Variants in SNTG1 observed in about 807,000 individuals in gnomAD.
SNTG1 encodes the protein gamma-1-syntrophin.
A neutral mutation model predicts 74.7 loss-of-function variants in SNTG1; 39 were observed. That is an observed-to-expected ratio of 0.52 (90% CI 0.40 to 0.68). The LOEUF (loss-of-function observed/expected upper bound fraction) is 0.68. SNTG1 is among the 30% of genes least tolerant of loss of function. SNTG1 has a pLI of 0.00. For missense variants in SNTG1, 685 were observed against 609.5 expected, an observed-to-expected ratio of 1.12 and a Z score of -1.30; for synonymous variants, 254 against 217.1, an observed-to-expected ratio of 1.17 and a Z score of -1.49.
At chr8:50,239,280 G>A (rs532142458) in intron 2 of SNTG1, among the ~76,000 whole-genome samples, 8 of 152,224 alleles carry the variant, frequency 5.3e-5, no homozygotes, top group African/African-American at 1.9e-4. Flanking sequence ...TAGTTCATTC[G>A]CACACTGCTA....
chr8:50,409,150 G>T (rs992475986), intron 4 of SNTG1, among the ~76,000 whole-genome samples: 1 of 152,234 alleles, frequency 6.6e-6, no homozygotes. Flanking sequence ...AGGAGGTGAC[G>T]CAGAGAAAAA....
At chr8:50,633,768 T>C (rs936904592) in intron 13 of SNTG1, among the ~76,000 whole-genome samples, 31 of 152,310 alleles carry the variant, frequency 2.0e-4, no homozygotes, top group Admixed American at 4.6e-4. Context: ...ATCATCTTCC[T>C]ATTCCTATGG....
At chr8:50,262,729 G>T (rs2087258573) in intron 2 of SNTG1, among the ~76,000 whole-genome samples, 1 of 151,890 alleles carries the variant, frequency 6.6e-6, no homozygotes, top group East Asian at 1.9e-4. Context: ...TTTTTTAAAA[G>T]ATCAATGAAA....
chr8:50,263,212 A>C (rs1406929695), intron 2 of SNTG1, among the ~76,000 whole-genome samples: 1 of 152,164 alleles, frequency 6.6e-6, no homozygotes, highest in East Asian at 1.9e-4. Flanking sequence ...GATATGGTAC[A>C]TTTCTGTAAC....
intron 4 of SNTG1, among the ~76,000 whole-genome samples, chr8:50,425,344 C>T (rs2093149206): frequency 6.6e-6 from 1 of 151,342 alleles, no homozygotes; most frequent in African/African-American, 2.4e-5. Context: ...TCATCAGCAG[C>T]ATCACATTCT....
chr8:50,329,176 C>A (rs912348877), intron 2 of SNTG1, among the ~76,000 whole-genome samples: 1 of 152,204 alleles, frequency 6.6e-6, no homozygotes, highest in African/African-American at 2.4e-5. Flanking sequence ...ATACCCTCCC[C>A]TGGCTGCTTT....
intron 13 of SNTG1, among the ~76,000 whole-genome samples, chr8:50,635,000 A>G (rs1215650504): frequency 6.6e-6 from 1 of 152,156 alleles, no homozygotes; most frequent in Non-Finnish European, 1.5e-5. Flanking sequence ...GACCTGTGGT[A>G]TCCTGGGCCC....
chr8:50,564,711 GT>G (rs1218625464), intron 12 of SNTG1, among the ~76,000 whole-genome samples: 4 of 151,938 alleles, frequency 2.6e-5, no homozygotes, highest in African/African-American at 2.4e-5. Flanking sequence ...TAGTCTATAA[GT>G]TTTTTTAAAG....
chr8:50,695,858 T>A (rs114205669), intron 15 of SNTG1, among the ~76,000 whole-genome samples: 2,803 of 151,586 alleles, frequency 0.018, 73 homozygotes, highest in African/African-American at 0.06. Flanking sequence ...TGTATATATA[T>A]AATTTTTATT....
chr8:50,791,233 A>G (rs1007507982), intron 18 of SNTG1, among the ~76,000 whole-genome samples: 65 of 151,924 alleles, frequency 4.3e-4, no homozygotes, highest in Non-Finnish European at 1.0e-4. Flanking sequence ...TAACATGACT[A>G]GTGCCACTGA....
intron 15 of SNTG1, among the ~76,000 whole-genome samples, chr8:50,665,355 T>C (rs2095245693): frequency 6.6e-6 from 1 of 152,138 alleles, no homozygotes; most frequent in Admixed American, 6.6e-5. Flanking sequence ...AATTCTGTTG[T>C]ATTGGATTAC....
chr8:50,716,893 CG>C (rs2095476396), intron 17 of SNTG1, among the ~76,000 whole-genome samples: 1 of 151,500 alleles, frequency 6.6e-6, no homozygotes, highest in African/African-American at 2.4e-5. Flanking sequence ...CCACCATGCC[CG>C]GCTAATTTTT....
At chr8:50,083,852 T>G (rs1822630949) in intron 1 of SNTG1, among the ~76,000 whole-genome samples, 1 of 152,198 alleles carries the variant, frequency 6.6e-6, no homozygotes, top group Non-Finnish European at 1.5e-5. Flanking sequence ...CAGTCAGTAA[T>G]TTTGCAACAT....
chr8:50,504,598 C>T (rs1310901878), intron 9 of SNTG1, among the ~76,000 whole-genome samples: 2 of 152,028 alleles, frequency 1.3e-5, no homozygotes, highest in East Asian at 3.9e-4. Flanking sequence ...TCAAGACCAA[C>T]TTGAACAACA....
At chr8:50,149,979 T>G (rs2082006209) in intron 1 of SNTG1, among the ~76,000 whole-genome samples, 2 of 152,192 alleles carry the variant, frequency 1.3e-5, no homozygotes, top group African/African-American at 4.8e-5. Flanking sequence ...ATAAATTACC[T>G]TGGGCAGTAT....
intron 2 of SNTG1, among the ~76,000 whole-genome samples, chr8:50,392,090 A>C (rs1262426553): frequency 1.3e-5 from 2 of 152,180 alleles, no homozygotes. Context: ...AACTAGGAAA[A>C]CACAGATGAA....
At chr8:49,985,655 G>A (rs964050620) in intron 1 of SNTG1, among the ~76,000 whole-genome samples, 11 of 152,066 alleles carry the variant, frequency 7.2e-5, no homozygotes, top group African/African-American at 1.4e-4. Context: ...TAAATAAGGC[G>A]CATAAACAAT....
intron 1 of SNTG1, among the ~76,000 whole-genome samples, chr8:49,930,513 A>G (rs991917545): frequency 6.6e-6 from 1 of 151,648 alleles, no homozygotes; most frequent in Admixed American, 6.6e-5. Context: ...ATATGTGTGT[A>G]TATATATATG....
intron 12 of SNTG1, 36 bp from the exon 13 acceptor site, chr8:50,590,843 G>T: frequency 7.1e-7 from 1 of 1,403,194 alleles, no homozygotes; most frequent in Non-Finnish European, 9.8e-7. Context: ...ACCATCTATT[G>T]TTCTTCTCAC....
Sources: allele counts gnomAD v4.1 joint callset (sites outside exome capture counted in the v4.1 genomes callset), GRCh38; gene constraint gnomAD v4.1.1; transcripts MANE v1.5; gene names NCBI Gene and HGNC (gene_info 2026-07-23, HGNC 2026-07-21).